DHX57: variants seen among roughly 807,000 people sequenced by gnomAD.
DHX57 encodes the protein putative ATP-dependent RNA helicase DHX57.
A neutral mutation model predicts 156.2 loss-of-function variants in DHX57; 105 were observed. That is an observed-to-expected ratio of 0.67 (90% CI 0.57 to 0.79). DHX57 has a LOEUF of 0.79. DHX57 is among the 30% of genes least tolerant of loss of function. The pLI is 0.00. For synonymous variants in DHX57, 704 were observed against 595.6 expected, an observed-to-expected ratio of 1.18 and a Z score of -2.65; for missense variants, 1,847 against 1,661.9, an observed-to-expected ratio of 1.11 and a Z score of -1.94.
chr2:38,814,263 T>A (rs1670414983), intron 20 of DHX57, among the ~76,000 whole-genome samples: 1 of 152,184 alleles, frequency 6.6e-6, no homozygotes, highest in Non-Finnish European at 1.5e-5. Context: ...CTGTCTGTGC[T>A]GTAGGATTTA....
chr2:38,868,883 C>A (rs1174633594), intron 1 of DHX57, among the ~76,000 whole-genome samples: 2 of 152,114 alleles, frequency 1.3e-5, no homozygotes, highest in Non-Finnish European at 2.9e-5. Flanking sequence ...CTCACTGCAA[C>A]CTCTGCCTCC....
At chr2:38,838,054 G>A in intron 12 of DHX57, 107 bp from the exon 13 acceptor site, 1 of 730,634 alleles carries the variant, frequency 1.4e-6, no homozygotes. Context: ...GTGAGTGTTG[G>A]TTTAATAGCA....
At chr2:38,838,484 G>A (rs1244704541) in intron 12 of DHX57, among the ~76,000 whole-genome samples, 1 of 152,104 alleles carries the variant, frequency 6.6e-6, no homozygotes, top group African/African-American at 2.4e-5. Flanking sequence ...TCCTGCCCCT[G>A]TTGGAAAGAC....
intron 21 of DHX57, among the ~76,000 whole-genome samples, chr2:38,808,048 G>A (rs1366386804): frequency 2.1e-5 from 3 of 146,338 alleles, no homozygotes; most frequent in Non-Finnish European, 4.5e-5. Flanking sequence ...TCCGCCTCTC[G>A]GGTTCAAGTG....
intron 2 of DHX57, among the ~76,000 whole-genome samples, chr2:38,865,774 G>T (rs1665037157): frequency 6.6e-6 from 1 of 152,248 alleles, no homozygotes; most frequent in Middle Eastern, 3.4e-3. Context: ...ATCTATAGAA[G>T]ACTCACACAT....
At chr2:38,865,531 T>G (rs950054282) in intron 2 of DHX57, among the ~76,000 whole-genome samples, 1 of 152,318 alleles carries the variant, frequency 6.6e-6, no homozygotes, top group African/African-American at 2.4e-5. Context: ...TATGTCCTTA[T>G]AGCAGCGTGA....
chr2:38,861,983 AG>A, intron 4 of DHX57, 146 bp from the exon 5 acceptor site: 1 of 1,220,378 alleles, frequency 8.2e-7, no homozygotes, highest in Non-Finnish European at 1.1e-6. Flanking sequence ...GATAACAATA[AG>A]CCCCCCTGAA....
At chr2:38,854,915 T>C in intron 8 of DHX57, 142 bp downstream of exon 8, 1 of 806,012 alleles carries the variant, frequency 1.2e-6, no homozygotes, top group Non-Finnish European at 2.0e-6. Flanking sequence ...TTTAAATAAA[T>C]GATTACCAAA....
rs765863656 is a variant in DHX57, at chr2:38,826,507, A to G, written c.2813+9T>C. The G allele has an allele frequency of 1.2e-6, 2 of 1,612,546 alleles. No homozygotes were observed. Among genetic ancestry groups the G allele is most frequent in the South Asian group, 2.2e-5 (2 of 90,886 alleles). ...AGCCCCTCTCTTACATCACCACAAGACGGAATACCTCTTTTCTTTCATTTT... is the reference window on the plus strand; with the variant it reads ...AGCCCCTCTCTTACATCACCACAAGGCGGAATACCTCTTTTCTTTCATTTT... On this transcript the variant is annotated intron_variant, in intron 15 of 23. Transcript: ENST00000457308.
chr2:38,853,814 A>C (rs1672738469), intron 9 of DHX57: 3 of 301,284 alleles, frequency 1.0e-5, no homozygotes, highest in South Asian at 5.5e-5. Flanking sequence ...GATGGTGTGA[A>C]GTATACCTTC....
chr2:38,798,295 C>G lies in DHX57; in HGVS notation c.*4G>C. On this transcript the variant is annotated 3_prime_UTR_variant, in exon 24 of 24. Transcript: ENST00000457308. ...GAGTAGCAAGCACTCTCTAAGACTG[C>G]TTTTTATTGTGTGGTGACAAGTTTC... The G allele has an allele frequency of 6.2e-7, 1 of 1,611,398 alleles. No individual in the cohort carries two copies. The highest frequency in any genetic ancestry group is 8.5e-7 in the Non-Finnish European group (1 of 1,179,044).
chr2:38,803,056 A>T (rs1669771646), intron 22 of DHX57, 141 bp from the exon 23 acceptor site: 2 of 768,312 alleles, frequency 2.6e-6, no homozygotes, highest in Non-Finnish European at 4.2e-6. Flanking sequence ...TGAGCTCCAG[A>T]TCTGCAGTAT....
intron 1 of DHX57, among the ~76,000 whole-genome samples, chr2:38,868,879 G>A (rs1388819109): frequency 6.6e-6 from 1 of 152,112 alleles, no homozygotes; most frequent in Non-Finnish European, 1.5e-5. Flanking sequence ...TCAGCTCACT[G>A]CAACCTCTGC....
chr2:38,854,278 G>C lies in DHX57; in HGVS notation c.1906-100C>G, dbSNP rs146179027. 8.7e-5 allele frequency: 109 copies of C among 1,249,078 alleles called. No homozygotes were observed. The African/African-American group carries it at 1.5e-3, about 18-fold the overall frequency. The allele number at this position is 1,249,078 out of a possible 1,614,324, so 77.4% of individuals were successfully genotyped here. A position where few individuals can be genotyped will look rare whatever the true frequency, so the allele number is the denominator to read the frequency against. On this transcript the variant is annotated intron_variant, in intron 8 of 23. Transcript: ENST00000457308. ...GAATGGATAGTGATAAAAAATATTG[G>C]AAACACCAGCAGTTCCATTTAATAG...
chr2:38,875,038 A>T (rs1194977983), intron 1 of DHX57, among the ~76,000 whole-genome samples: 1 of 152,240 alleles, frequency 6.6e-6, no homozygotes, highest in Non-Finnish European at 1.5e-5. Context: ...AATCAAAACA[A>T]GTTGTCTCAC....
intron 23 of DHX57, among the ~76,000 whole-genome samples, chr2:38,799,841 G>T (rs1325478930): frequency 1.3e-5 from 2 of 151,074 alleles, no homozygotes; most frequent in Non-Finnish European, 2.9e-5. Context: ...GGATCACAAG[G>T]TCAGGAGTTT....
intron 23 of DHX57, among the ~76,000 whole-genome samples, chr2:38,798,751 C>T (rs1669518642): frequency 6.6e-6 from 1 of 151,496 alleles, no homozygotes; most frequent in Non-Finnish European, 1.5e-5. Flanking sequence ...CAAGACCAGG[C>T]TGGCCAACAT....
At chr2:38,857,936 C>T (rs1464183336) in intron 6 of DHX57, among the ~76,000 whole-genome samples, 1 of 152,118 alleles carries the variant, frequency 6.6e-6, no homozygotes, top group Non-Finnish European at 1.5e-5. Context: ...GAGACAGGGA[C>T]TCATTATGTT....
intron 11 of DHX57, among the ~76,000 whole-genome samples, chr2:38,844,619 G>C: frequency 4.0e-4 from 1 of 2,486 alleles, no homozygotes; most frequent in African/African-American, 4.0e-4. Flanking sequence ...GACAGAGCGA[G>C]ACTCCGTCTC....
Sources: gnomAD v4.1 joint callset for allele counts (sites outside exome capture counted in the v4.1 genomes callset) on GRCh38, gnomAD v4.1.1 for gene constraint, MANE v1.5 for transcripts, NCBI Gene and HGNC (gene_info 2026-07-23, HGNC 2026-07-21) for gene names.